IP6K1: variants seen among roughly 807,000 people sequenced by gnomAD.
IP6K1 encodes ATP:1D-myo-inositol-hexakisphosphate phosphotransferase.
Under a neutral mutation model 38.3 loss-of-function variants are expected in IP6K1, and 13 were observed. The observed-to-expected ratio is 0.34, with a 90% CI of 0.22 to 0.54. The LOEUF (loss-of-function observed/expected upper bound fraction) is 0.54, where lower values mean the gene tolerates loss of function less well. Among genes scored for constraint, IP6K1 ranks in the 20% least tolerant of loss-of-function variants. The pLI, the probability that IP6K1 is intolerant of heterozygous loss-of-function variation, is 0.92. For missense variants in IP6K1, 397 were observed against 599.8 expected, an observed-to-expected ratio of 0.66 and a Z score of 3.53; for synonymous variants, 212 against 229.9, an observed-to-expected ratio of 0.92 and a Z score of 0.70.
chr3:49,743,624 T>G (rs911796896), intron 2 of IP6K1, among the ~76,000 whole-genome samples: 4 of 150,304 alleles, frequency 2.7e-5, no homozygotes, highest in Admixed American at 1.3e-4. Context: ...TTTTTGTTTT[T>G]TTTTTTTTTT....
intron 1 of IP6K1, among the ~76,000 whole-genome samples, chr3:49,772,241 A>ATATG (rs1318675693): frequency 5.0e-5 from 7 of 141,196 alleles, no homozygotes; most frequent in African/African-American, 1.0e-4. Context: ...ATATATATAT[A>ATATG]TGTGTGTGTG....
intron 3 of IP6K1, among the ~76,000 whole-genome samples, chr3:49,733,451 A>G (rs2080581014): frequency 6.6e-6 from 1 of 152,230 alleles, no homozygotes; most frequent in Non-Finnish European, 1.5e-5. Flanking sequence ...CCAAACAGAC[A>G]CTTTACGTCA....
intron 2 of IP6K1, among the ~76,000 whole-genome samples, chr3:49,746,857 T>C (rs2080725295): frequency 6.6e-6 from 1 of 152,156 alleles, no homozygotes; most frequent in East Asian, 1.9e-4. Flanking sequence ...GGCAAATCTG[T>C]AGAGACAGAA....
chr3:49,768,902 T>C (rs1358573325), intron 1 of IP6K1, among the ~76,000 whole-genome samples: 2 of 152,148 alleles, frequency 1.3e-5, no homozygotes, highest in Admixed American at 1.3e-4. Flanking sequence ...ATGATGAAAG[T>C]AGTTCTCAAA....
At chr3:49,764,151 G>A (rs1352502663) in intron 1 of IP6K1, among the ~76,000 whole-genome samples, 1 of 152,066 alleles carries the variant, frequency 6.6e-6, no homozygotes, top group Admixed American at 6.6e-5. Context: ...GGAGGTGAAC[G>A]TGAGAGGATC....
At chr3:49,778,792 ATTT>A (rs1428473270) in intron 1 of IP6K1, among the ~76,000 whole-genome samples, 3 of 151,900 alleles carry the variant, frequency 2.0e-5, no homozygotes, top group Admixed American at 1.3e-4. Flanking sequence ...CGCCTGGCTA[ATTT>A]TTTTATTTTT....
intron 1 of IP6K1, among the ~76,000 whole-genome samples, chr3:49,762,826 G>T (rs1481220520): frequency 2.0e-5 from 3 of 151,546 alleles, no homozygotes; most frequent in African/African-American, 7.3e-5. Context: ...AGGCTGGAGT[G>T]CATGGCACAA....
At chr3:49,784,422 G>A (rs535900198) in intron 1 of IP6K1, among the ~76,000 whole-genome samples, 4 of 152,100 alleles carry the variant, frequency 2.6e-5, no homozygotes, top group South Asian at 4.1e-4. Flanking sequence ...CAAGGCAGGC[G>A]GATCAGGAGG....
At position 49,769,325 on chromosome 3, in the gene IP6K1, CAAT is replaced by C; in HGVS notation, c.-129+17026_-129+17028del. The stretch of plus-strand genomic sequence containing the variant: ...TAATATTCAAATAAATCTTGATAAA[CAAT>C]AAAGTTGGGTTATTTACACTGCCTC... On this transcript the variant is annotated intron_variant, in intron 1 of 5. Transcript: ENST00000321599. Among the ~76,000 whole-genome samples the C allele has an allele frequency of 2.0e-5, 3 of 152,126 alleles. No individual in the cohort carries two copies. In the Middle Eastern group the frequency reaches 0.01, roughly 517 times the overall value.
At chr3:49,747,499 C>A (rs564333533) in intron 2 of IP6K1, among the ~76,000 whole-genome samples, 1 of 152,136 alleles carries the variant, frequency 6.6e-6, no homozygotes, top group Non-Finnish European at 1.5e-5. Context: ...GCCTCCGGGA[C>A]GAGAGAAATG....
chr3:49,727,981 A>G lies in IP6K1; in HGVS notation c.792+122T>C, dbSNP rs1354154863. On this transcript the variant is annotated intron_variant, in intron 5 of 5. Transcript: ENST00000321599. The surrounding 1 kb of genome is among the most constrained non-coding windows in gnomAD (Gnocchi z 5.9). ...GGTCCTGCACCTGAGGCCCATATCA[A>G]AGTCAACAGGTAAGGACAGAGGGGC... The G allele has an allele frequency of 3.1e-6, 3 of 982,562 alleles. No homozygotes were observed. The highest frequency in any genetic ancestry group is 4.6e-6 in the Non-Finnish European group (3 of 654,542). The allele number at this position is 982,562 out of a possible 1,614,324, so 60.9% of individuals were successfully genotyped here.
rs559679938 is a variant in IP6K1 at position 49,779,323 on chromosome 3, G to A, written c.-129+7031C>T. ...TCACACTTCGTTCCTTTTTATTGCAGAGTAATGTTCCCTTGTATGTATACA... is the reference window on the plus strand; with the variant it reads ...TCACACTTCGTTCCTTTTTATTGCAAAGTAATGTTCCCTTGTATGTATACA... On this transcript the variant is annotated intron_variant, in intron 1 of 5. Coordinates refer to ENST00000321599, the MANE Select transcript of IP6K1 (RefSeq NM_153273.4). 2.0e-5 allele frequency among the ~76,000 whole-genome samples: 3 copies of A among 152,318 alleles called. No homozygotes were observed. The South Asian group carries it at 6.2e-4, about 32-fold the overall frequency.
chr3:49,776,410 G>A (rs975223968), intron 1 of IP6K1, among the ~76,000 whole-genome samples: 23 of 151,798 alleles, frequency 1.5e-4, no homozygotes, highest in African/African-American at 4.8e-4. Flanking sequence ...CCAACTATTC[G>A]CGAGGCTGAG....
At chr3:49,745,100 A>G (rs1575311696) in intron 2 of IP6K1, among the ~76,000 whole-genome samples, 1 of 152,214 alleles carries the variant, frequency 6.6e-6, no homozygotes, top group Non-Finnish European at 1.5e-5. Flanking sequence ...AAGACAAAAA[A>G]AAAAGTCCAT....
intron 3 of IP6K1, among the ~76,000 whole-genome samples, chr3:49,736,816 G>A (rs1241707856): frequency 6.7e-6 from 1 of 148,824 alleles, no homozygotes; most frequent in Non-Finnish European, 1.5e-5. Flanking sequence ...CTGTTGCCCA[G>A]GCTGAAGTGC....
In IP6K1 at chr3:49,727,001, G is replaced by A. The variant is rs1369078069; in HGVS notation, c.*121C>T. The A allele has an allele frequency of 9.5e-7, 1 of 1,051,498 alleles. No individual in the cohort carries two copies. The highest frequency in any genetic ancestry group is 1.4e-6 in the Non-Finnish European group (1 of 720,814). 65.1% of individuals were successfully genotyped at this position (1,051,498 alleles called of 1,614,324 possible). A position where few individuals can be genotyped will look rare whatever the true frequency, so the allele number is the denominator to read the frequency against. ...GCTACAGCTAAAAACATTTCTTTTA[G>A]TTTACACCAAAGAGAAATATAACCC... On this transcript the variant is annotated 3_prime_UTR_variant, in exon 6 of 6. Transcript: ENST00000321599. The surrounding 1 kb of genome is among the most constrained non-coding windows in gnomAD (Gnocchi z 5.9).
chr3:49,767,506 G>T (rs977029691), intron 1 of IP6K1, among the ~76,000 whole-genome samples: 5 of 152,070 alleles, frequency 3.3e-5, no homozygotes, highest in African/African-American at 9.7e-5. Context: ...CTTGAACCGG[G>T]AGGCGGAAAC....
intron 2 of IP6K1, among the ~76,000 whole-genome samples, chr3:49,745,110 T>C (rs572451600): frequency 6.6e-6 from 1 of 151,752 alleles, no homozygotes; most frequent in Non-Finnish European, 1.5e-5. Context: ...AAAAAGTCCA[T>C]ACCTTCAAGG....
chr3:49,769,273 AATTT>A (rs2080936881), intron 1 of IP6K1, among the ~76,000 whole-genome samples: 1 of 152,198 alleles, frequency 6.6e-6, no homozygotes, highest in Non-Finnish European at 1.5e-5. Flanking sequence ...CTAATTCTAA[AATTT>A]ATATGGTAAT....
Sources: gnomAD v4.1 joint callset for allele counts (sites outside exome capture counted in the v4.1 genomes callset) on GRCh38, gnomAD v4.1.1 for gene constraint, Gnocchi (gnomAD v3.1) non-coding constraint, MANE v1.5 for transcripts, NCBI Gene and HGNC (gene_info 2026-07-23, HGNC 2026-07-21) for gene names.